CP: variants seen among roughly 807,000 people sequenced by gnomAD.
CP encodes caeruloplasmin.
Under a neutral mutation model 122.4 loss-of-function variants are expected in CP, and 64 were observed. The ratio of observed to expected loss-of-function variants is 0.52; its 90% CI spans 0.43 to 0.64. CP has a LOEUF of 0.64. Ranked by LOEUF, CP falls within the 30% of genes least tolerant of loss-of-function variation. CP has a pLI of 0.00. For missense variants in CP, 1,167 were observed against 1,284.4 expected (o/e 0.91, Z 1.40); for synonymous variants, 440 against 436.4 (o/e 1.01, Z -0.10).
At position 149,183,620 on chromosome 3, in the gene CP, CA is replaced by C. The variant is rs1725937077; in HGVS notation, c.2286-16del. The C allele has an allele frequency of 2.0e-6, 2 of 986,162 alleles. No homozygotes were observed. The highest frequency in any genetic ancestry group is 1.7e-5 in the South Asian group (1 of 57,526). 61.1% of individuals were successfully genotyped at this position (986,162 alleles called of 1,614,324 possible). On this transcript the variant is annotated splice_polypyrimidine_tract_variant and intron_variant, in intron 12 of 18. Transcript: ENST00000264613. ...CATTTGAAACACTTAAAAAAAAAAA[CA>C]ACTAAGGTTAGTATTTGTCTTAATG...
chr3:149,169,421 G>T (rs1191690768), downstream of CP, among the ~76,000 whole-genome samples: 1 of 152,192 alleles, frequency 6.6e-6, no homozygotes, highest in Non-Finnish European at 1.5e-5. Flanking sequence ...AAAGTTAAAT[G>T]TTAGGCAAAA....
intron 15 of CP, 150 bp downstream of exon 15, chr3:149,179,406 T>A: frequency 3.0e-6 from 2 of 675,164 alleles, no homozygotes; most frequent in South Asian, 3.2e-5. Context: ...GTGTCATAGG[T>A]AGCAGCATAG....
At chr3:149,204,875 A>G (rs1038709516) in intron 6 of CP, among the ~76,000 whole-genome samples, 1 of 152,234 alleles carries the variant, frequency 6.6e-6, no homozygotes, top group African/African-American at 2.4e-5. Flanking sequence ...ACATGTACAA[A>G]GAGTAGCTTG....
At chr3:149,200,990 T>G (rs914340232) in intron 7 of CP, among the ~76,000 whole-genome samples, 1 of 152,178 alleles carries the variant, frequency 6.6e-6, no homozygotes, top group Non-Finnish European at 1.5e-5. Context: ...ATACTCTGTT[T>G]GCTCACCCAC....
rs558200301 is a variant in CP, at chr3:149,179,118, A to G, written c.2661+438T>C. ...GCTCACTCAGGCACTTCACCCACCT[A>G]TCTATAACCGACTCCATTTCTTTTC... On this transcript the variant is annotated intron_variant, in intron 15 of 18. Transcript: ENST00000264613. 2.6e-5 allele frequency among the ~76,000 whole-genome samples: 4 copies of G among 152,276 alleles called. No homozygotes were observed. The East Asian group carries it at 7.7e-4, about 29-fold the overall frequency.
At chr3:149,184,511 C>T (rs1434177592) in intron 12 of CP, among the ~76,000 whole-genome samples, 1 of 152,186 alleles carries the variant, frequency 6.6e-6, no homozygotes, top group East Asian at 1.9e-4. Context: ...AACACCTGCC[C>T]ACCCCAATCT....
rs373663480 is a variant in CP at position 149,207,640 on chromosome 3, G to A, written c.782-23C>T. ...CAGCTGTAAGTCAAGAGCAGAGTTT[G>A]TGACTAAGAGTCATTAATGCTTGAG... On this transcript the variant is annotated intron_variant, in intron 4 of 18. Transcript: ENST00000264613. 2.0e-5 allele frequency: 33 copies of A among 1,613,066 alleles called. No homozygotes were observed. In the African/African-American group the frequency reaches 4.1e-4, roughly 20 times the overall value.
intron 6 of CP, 94 bp downstream of exon 6, chr3:149,206,074 C>A (rs373189626): frequency 8.8e-7 from 1 of 1,141,152 alleles, no homozygotes; most frequent in Non-Finnish European, 1.3e-6. Context: ...ATTTCAGATA[C>A]CAATTAAAAT....
In CP at chr3:149,212,498, G is replaced by A. The variant is rs73866999; in HGVS notation, c.347C>T (p.Pro116Leu). Reference protein sequence around the residue: ...YVHLKNLASRPYTFHSHGITY... With the variant: ...YVHLKNLASRLYTFHSHGITY... ...TATTCCATGTGAATGAAAGGTGTAG[G>A]GCCTAGAGGCAAGGTTTTTTAAGTG... The change falls in exon 2 of 19, where the codon CCC (proline) becomes CTC (leucine). Residue 116 changes from proline to leucine, a missense_variant. Physicochemically the swap from Pro to Leu is moderately conservative, Grantham distance 98. Around this residue, in one of 2 missense-constraint regions of CP, gnomAD observed 642 missense variants for 627.3 expected, o/e 1.02. Coordinates refer to ENST00000264613, the MANE Select transcript of CP (RefSeq NM_000096.4). 1 of 1,613,690 alleles carries A rather than the reference G, an allele frequency of 6.2e-7. No homozygotes were observed. The highest frequency in any genetic ancestry group is 1.3e-5 in the African/African-American group (1 of 74,852).
At chr3:149,213,126 A>G (rs1254343941) in intron 1 of CP, among the ~76,000 whole-genome samples, 1 of 152,200 alleles carries the variant, frequency 6.6e-6, no homozygotes, top group Non-Finnish European at 1.5e-5. Flanking sequence ...ATCAATCTGG[A>G]TATTTGAGAC....
chr3:149,200,697 G>A (rs1289920814), intron 7 of CP, among the ~76,000 whole-genome samples: 3 of 150,800 alleles, frequency 2.0e-5, no homozygotes, highest in African/African-American at 4.9e-5. Flanking sequence ...TTTTAGTAGA[G>A]ATGGGGTTTC....
intron 17 of CP, 102 bp from the exon 18 acceptor site, chr3:149,176,514 T>G: frequency 2.0e-6 from 2 of 984,970 alleles, no homozygotes; most frequent in Non-Finnish European, 3.1e-6. Flanking sequence ...AATGGATAAA[T>G]CTGTTTTTAA....
chr3:149,206,129 G>T, intron 6 of CP, 39 bp downstream of exon 6: 1 of 1,589,212 alleles, frequency 6.3e-7, no homozygotes, highest in Non-Finnish European at 8.6e-7. Context: ...GTGCGGGGGA[G>T]AGCATATTTT....
chr3:149,194,829 T>C (rs1159040695), intron 9 of CP, among the ~76,000 whole-genome samples: 2 of 152,058 alleles, frequency 1.3e-5, no homozygotes, highest in Non-Finnish European at 2.9e-5. Flanking sequence ...TTTTCTAAGG[T>C]TCAGTAGAAA....
At position 149,185,522 on chromosome 3, in the gene CP, T is replaced by C. The variant is rs1378295804; in HGVS notation, c.2078-76A>G. 7 of 1,371,714 alleles carry C rather than the reference T, an allele frequency of 5.1e-6. No individual in the cohort carries two copies. In the East Asian group the frequency reaches 1.6e-4, roughly 32 times the overall value. 85.0% of individuals were successfully genotyped at this position (1,371,714 alleles called of 1,614,324 possible). The stretch of plus-strand genomic sequence containing the variant: ...GGCTCTCCACCTTCCTCAGAATTAA[T>C]GCTGAAGTCCTTATCATGGCCTCAG... On this transcript the variant is annotated intron_variant, in intron 11 of 18. Coordinates refer to ENST00000264613, the MANE Select transcript of CP (RefSeq NM_000096.4).
At chr3:149,202,822 G>A (rs1388989115) in intron 6 of CP, among the ~76,000 whole-genome samples, 2 of 150,184 alleles carry the variant, frequency 1.3e-5, no homozygotes, top group Admixed American at 6.6e-5. Context: ...TGTTAGCCAG[G>A]ATGGTCTCGA....
chr3:149,219,238 A>G (rs1271906459), intron 1 of CP, among the ~76,000 whole-genome samples: 1 of 152,234 alleles, frequency 6.6e-6, no homozygotes, highest in African/African-American at 2.4e-5. Flanking sequence ...ACAGGACAAT[A>G]ACAAAAAGAG....
At chr3:149,188,779 A>G (rs1576746442) in intron 9 of CP, among the ~76,000 whole-genome samples, 2 of 152,210 alleles carry the variant, frequency 1.3e-5, no homozygotes, top group East Asian at 3.8e-4. Context: ...CATCTGGTCT[A>G]TGAAATGATT....
intron 9 of CP, among the ~76,000 whole-genome samples, chr3:149,190,647 G>C (rs893559072): frequency 6.2e-5 from 7 of 113,622 alleles, no homozygotes; most frequent in Non-Finnish European, 1.2e-4. Context: ...GACAGAGGAA[G>C]ACTCTGTCTA....
Sources: allele counts gnomAD v4.1 joint callset (sites outside exome capture counted in the v4.1 genomes callset), GRCh38; gene constraint gnomAD v4.1.1; regional missense constraint gnomAD v4.1.1; transcripts MANE v1.5; gene names NCBI Gene and HGNC (gene_info 2026-07-23, HGNC 2026-07-21).